TPM1: variants seen among roughly 807,000 people sequenced by gnomAD.
TPM1 encodes tropomyosin alpha-1 chain.
Under a neutral mutation model 42.9 loss-of-function variants are expected in TPM1, and 24 were observed. That is an observed-to-expected ratio of 0.56 (90% CI 0.41 to 0.79). The LOEUF (loss-of-function observed/expected upper bound fraction) is 0.79. Among genes scored for constraint, TPM1 ranks in the 30% least tolerant of loss-of-function variants. The pLI is 0.00. For synonymous variants in TPM1, 136 were observed against 130.1 expected (o/e 1.05, Z -0.31); for missense variants, 158 against 351.8 (o/e 0.45, Z 4.41).
In TPM1 at chr15:63,066,021, G is replaced by A; in HGVS notation, c.*122G>A. 6.4e-7 allele frequency: 1 copy of A among 1,552,178 alleles called. No homozygotes were observed. The highest frequency in any genetic ancestry group is 1.2e-5 in the South Asian group (1 of 84,492). On this transcript the variant is annotated 3_prime_UTR_variant, in exon 10 of 10. Coordinates refer to ENST00000403994, the MANE Select transcript of TPM1 (RefSeq NM_001018005.2). ...CTCTCTCTTAGCATCCTGCCTTAGAGCCAGGCACACACTGTGCTTTCTATT... is the reference window on the plus strand; with the variant it reads ...CTCTCTCTTAGCATCCTGCCTTAGAACCAGGCACACACTGTGCTTTCTATT...
At chr15:63,066,819 G>T (rs2036303300), downstream of TPM1, among the ~76,000 whole-genome samples, 1 of 152,098 alleles carries the variant, frequency 6.6e-6, no homozygotes. Context: ...CTTTGGGAGG[G>T]ATTGTACATA....
chr15:63,062,690 T>C lies in TPM1; in HGVS notation c.772+45T>C, dbSNP rs756435612. The C allele has an allele frequency of 3.7e-6, 6 of 1,613,954 alleles. No individual in the cohort carries two copies. In the Admixed American group the frequency reaches 8.3e-5, roughly 22 times the overall value. On this transcript the variant is annotated intron_variant, in intron 8 of 9. Coordinates refer to ENST00000403994, the MANE Select transcript of TPM1 (RefSeq NM_001018005.2). ...TTTTAGTTTAATCCTTATGGTTGAA[T>C]ACCAACCTGGCAAAACAATTTTCCA...
chr15:63,058,667 C>G (rs2035152595), intron 3 of TPM1, among the ~76,000 whole-genome samples: 1 of 152,112 alleles, frequency 6.6e-6, no homozygotes, highest in South Asian at 2.1e-4. Context: ...CAAGATCACA[C>G]CACCGCACTC....
intron 2 of TPM1, among the ~76,000 whole-genome samples, chr15:63,050,000 C>G (rs796528436): frequency 9.8e-5 from 15 of 152,326 alleles, no homozygotes; most frequent in African/African-American, 2.6e-4. Flanking sequence ...AATCCTGTCT[C>G]CACTACTTAC....
chr15:63,055,133 G>A (rs1460081022), intron 2 of TPM1, among the ~76,000 whole-genome samples: 2 of 151,996 alleles, frequency 1.3e-5, no homozygotes, highest in East Asian at 1.9e-4. Context: ...AGAAACAACA[G>A]TCATCTGCCA....
At chr15:63,056,759 G>A in intron 2 of TPM1, 2 of 599,894 alleles carry the variant, frequency 3.3e-6, no homozygotes, top group Non-Finnish European at 3.0e-6. Context: ...GATGAGAATT[G>A]TGTGTATAGA....
chr15:63,064,703 C>T (rs564245947), intron 9 of TPM1: 139 of 985,026 alleles, frequency 1.4e-4, no homozygotes, highest in South Asian at 7.4e-4. Flanking sequence ...CAGTGGCTCA[C>T]GCCTGTAATC....
At chr15:63,059,474 C>T in intron 3 of TPM1, 89 bp from the exon 4 acceptor site, 2 of 1,032,962 alleles carry the variant, frequency 1.9e-6, no homozygotes, top group Non-Finnish European at 1.5e-6. Context: ...CTACCACTTA[C>T]ACTAAGCCTC....
chr15:63,064,036 A>G (rs769657058), intron 8 of TPM1, 28 bp from the exon 9 acceptor site: 1 of 1,612,856 alleles, frequency 6.2e-7, no homozygotes, highest in South Asian at 1.1e-5. Context: ...ATGTTCTTGC[A>G]CCTCTGCCTT....
downstream of TPM1, chr15:63,070,687 C>T (rs1328288939): frequency 1.1e-5 from 11 of 1,010,198 alleles, no homozygotes; most frequent in Non-Finnish European, 1.3e-5. Context: ...CGCACAACTC[C>T]CAGACTTTTA....
At chr15:63,047,907 A>G in intron 2 of TPM1, 1 of 222,216 alleles carries the variant, frequency 4.5e-6, no homozygotes, top group South Asian at 5.0e-5. Context: ...ACTAGGAGCC[A>G]GAGTCAACCT....
chr15:63,049,165 C>A, intron 2 of TPM1: 2 of 200,534 alleles, frequency 1.0e-5, no homozygotes, highest in South Asian at 6.0e-5. Context: ...GACTTGGGGC[C>A]CGGGGATGCT....
downstream of TPM1, chr15:63,070,597 A>G (rs192584695): frequency 4.2e-5 from 42 of 1,007,488 alleles, no homozygotes; most frequent in African/African-American, 7.3e-4. Context: ...ACAATTTTTT[A>G]TGAGCAACAG....
At chr15:63,050,051 C>T (rs2033515100) in intron 2 of TPM1, among the ~76,000 whole-genome samples, 2 of 152,178 alleles carry the variant, frequency 1.3e-5, no homozygotes, top group South Asian at 4.1e-4. Flanking sequence ...TTTCAGTTCC[C>T]TGTGTGTAAA....
chr15:63,049,159 TG>T (rs1442184519), intron 2 of TPM1: 1 of 201,154 alleles, frequency 5.0e-6, no homozygotes, highest in East Asian at 1.9e-4. Context: ...ACTGTGGACT[TG>T]GGGCCCGGGG....
intron 2 of TPM1, among the ~76,000 whole-genome samples, chr15:63,055,329 C>T (rs1391317538): frequency 6.6e-6 from 1 of 152,148 alleles, no homozygotes; most frequent in Non-Finnish European, 1.5e-5. Context: ...AGTCCTTCAC[C>T]GTGGTTGGAG....
chr15:63,062,852 C>T, intron 8 of TPM1: 2 of 1,525,336 alleles, frequency 1.3e-6, no homozygotes, highest in Non-Finnish European at 1.8e-6. Context: ...AGCCACCAGC[C>T]ATAGTGGCAA....
rs375508214 is a variant in TPM1, at chr15:63,062,681, A to G, written c.772+36A>G. ...AAGTAGTGTTTTTAGTTTAATCCTTATGGTTGAATACCAACCTGGCAAAAC... is the reference window on the plus strand; with the variant it reads ...AAGTAGTGTTTTTAGTTTAATCCTTGTGGTTGAATACCAACCTGGCAAAAC... On this transcript the variant is annotated intron_variant, in intron 8 of 9. Coordinates refer to ENST00000403994, the MANE Select transcript of TPM1 (RefSeq NM_001018005.2). The G allele has an allele frequency of 1.5e-5, 24 of 1,614,064 alleles. No individual in the cohort carries two copies. The highest frequency in any genetic ancestry group is 1.9e-5 in the Non-Finnish European group (23 of 1,180,006).
rs757577112 is a variant in TPM1 at position 63,057,001 on chromosome 15, C to G, written c.257C>G (p.Ala86Gly). ...KKATDAEADV[A>G]SLNRRIQLVE... Reference sequence around the variant, plus strand: ...TCTACCTAGGCTGAAGCCGACGTAGCTTCTCTGAACAGACGCATCCAGCTG... The same window carrying G: ...TCTACCTAGGCTGAAGCCGACGTAGGTTCTCTGAACAGACGCATCCAGCTG... Residue 86 changes from alanine (A) to glycine (G), a missense_variant, in exon 3 of 10, where the codon GCT becomes GGT. Around this residue, in one of 4 missense-constraint regions of TPM1, gnomAD observed 65 missense variants for 208.8 expected, o/e 0.31. Transcript: ENST00000403994. 1.2e-6 allele frequency: 2 copies of G among 1,614,258 alleles called. No homozygotes were observed. The highest frequency in any genetic ancestry group is 8.5e-7 in the Non-Finnish European group (1 of 1,180,050).
Sources: gnomAD v4.1 joint callset for allele counts (sites outside exome capture counted in the v4.1 genomes callset) on GRCh38, gnomAD v4.1.1 for gene constraint, gnomAD v4.1.1 regional missense constraint, MANE v1.5 for transcripts, NCBI Gene and HGNC (gene_info 2026-07-23, HGNC 2026-07-21) for gene names.